The following HDGF variants were observed in gnomAD, a reference collection of about 807,000 sequenced individuals.
HDGF encodes the protein hepatoma-derived growth factor.
In HDGF, 5 loss-of-function variants were observed where a neutral mutation model predicts 30.0. The ratio of observed to expected loss-of-function variants is 0.17; its 90% CI spans 0.09 to 0.35. The LOEUF (loss-of-function observed/expected upper bound fraction) is 0.35. HDGF is among the 10% of genes least tolerant of loss of function. The pLI is 1.00. For synonymous variants in HDGF, 133 were observed against 112.7 expected, an observed-to-expected ratio of 1.18 and a Z score of -1.14; for missense variants, 214 against 302.8, an observed-to-expected ratio of 0.71 and a Z score of 2.18.
chr1:156,751,231 C>A lies in HDGF; in HGVS notation c.87+112G>T. ...CGACAGAGAAAGAGCCGGAGACCTA[C>A]AAGCCCCCTGCCCCCACCTCTGCCC... On this transcript the variant is annotated intron_variant, in intron 1 of 5. Transcript: ENST00000357325. The surrounding 1 kb of genome is among the most constrained non-coding windows in gnomAD (Gnocchi z 4.7). 1 of 1,308,364 alleles carries A rather than the reference C, an allele frequency of 7.6e-7. No homozygotes were observed. Among genetic ancestry groups the A allele is most frequent in the South Asian group, 1.8e-5 (1 of 56,602 alleles). 81.0% of individuals were successfully genotyped at this position (1,308,364 alleles called of 1,614,324 possible).
intron 1 of HDGF, among the ~76,000 whole-genome samples, chr1:156,762,872 CAAAA>C (rs148807506): frequency 7.4e-6 from 1 of 135,178 alleles, no homozygotes; most frequent in Admixed American, 7.4e-5. Flanking sequence ...AACTCCGTCT[CAAAA>C]AAAAAAAACC....
rs553884284 is a variant in HDGF at position 156,760,298 on chromosome 1, TGGGGACAGAGGCCTG to T, written n.137-1094_137-1080del. ...TGCAAGGATGTTGCTGGTGAGACAC[TGGGGACAGAGGCCTG>T]GGGAGGAGAGGACTCAGGGAGGCGT... is the stretch of plus-strand genomic sequence containing the variant. On this transcript the variant is annotated intron_variant and non_coding_transcript_variant, in intron 1 of 7. Coordinates refer to the HDGF transcript ENST00000465180. Among the ~76,000 whole-genome samples, 1,186 of 152,216 alleles carry T rather than the reference TGGGGACAGAGGCCTG, an allele frequency of 7.8e-3. 16 individuals carry two copies. The highest frequency in any genetic ancestry group is 0.027 in the African/African-American group (1,112 of 41,510).
At chr1:156,759,543 G>A (rs1039940152) in intron 1 of HDGF, among the ~76,000 whole-genome samples, 2 of 148,626 alleles carry the variant, frequency 1.3e-5, no homozygotes, top group African/African-American at 2.5e-5. Flanking sequence ...GTGCAGTGGC[G>A]CGTTTTCCGC....
chr1:156,746,915 G>A (rs185140245), intron 1 of HDGF, among the ~76,000 whole-genome samples: 67 of 152,208 alleles, frequency 4.4e-4, no homozygotes, highest in Non-Finnish European at 8.7e-4. Flanking sequence ...AGACAGGGTG[G>A]ATGGGAATGC....
chr1:156,752,597 G>A (rs1651049023), upstream of HDGF: 1 of 553,238 alleles, frequency 1.8e-6, no homozygotes, highest in Middle Eastern at 4.8e-4. Context: ...TAAAGAATGA[G>A]TAGAATTTTG....
chr1:156,752,404 T>C (rs772324210), upstream of HDGF: 8 of 1,534,562 alleles, frequency 5.2e-6, no homozygotes, highest in East Asian at 2.4e-5. Flanking sequence ...CCAAGGAGAC[T>C]TGGACTCAAC....
At chr1:156,753,543 G>T (rs1651086956), upstream of HDGF, among the ~76,000 whole-genome samples, 1 of 152,098 alleles carries the variant, frequency 6.6e-6, no homozygotes, top group Non-Finnish European at 1.5e-5. Context: ...AACTATCTAG[G>T]TCATATTTTA....
intron 1 of HDGF, among the ~76,000 whole-genome samples, chr1:156,762,234 G>A (rs1195794143): frequency 1.3e-5 from 2 of 148,742 alleles, no homozygotes; most frequent in Non-Finnish European, 3.0e-5. Flanking sequence ...ATGAACAACA[G>A]TTTCATATAA....
upstream of HDGF, among the ~76,000 whole-genome samples, chr1:156,753,196 C>G (rs1410481723): frequency 6.6e-6 from 1 of 152,192 alleles, no homozygotes; most frequent in Non-Finnish European, 1.5e-5. Context: ...GCCTTTATAA[C>G]AGTGTGGCCT....
chr1:156,766,198 G>C (rs1486090639), intron 1 of HDGF, among the ~76,000 whole-genome samples: 1 of 152,160 alleles, frequency 6.6e-6, no homozygotes, highest in East Asian at 1.9e-4. Flanking sequence ...CCCATATCAG[G>C]CTCGTCTGAT....
In HDGF at chr1:156,742,739, AC is replaced by A. The variant is rs1398242978; in HGVS notation, c.*709del. On this transcript the variant is annotated 3_prime_UTR_variant, in exon 6 of 6. Transcript: ENST00000357325. ...ACTCCCACCCAAATGGGTAAAGTCA[AC>A]CCTTCAGGTCTCAGGTCCTTGGCCC... is the stretch of plus-strand genomic sequence containing the variant. 6.5e-6 allele frequency: 1 copy of A among 154,648 alleles called. No individual in the cohort carries two copies. Among genetic ancestry groups the A allele is most frequent in the African/African-American group, 2.4e-5 (1 of 41,462 alleles). 9.6% of individuals were successfully genotyped at this position (154,648 alleles called of 1,614,324 possible).
chr1:156,758,285 G>C (rs1434820758), intron 2 of HDGF, among the ~76,000 whole-genome samples: 1 of 145,278 alleles, frequency 6.9e-6, no homozygotes, highest in African/African-American at 2.6e-5. Context: ...GCGACAAAGT[G>C]AGACTCCATC....
intron 1 of HDGF, among the ~76,000 whole-genome samples, chr1:156,746,736 A>G (rs1002770502): frequency 1.3e-5 from 2 of 152,140 alleles, no homozygotes; most frequent in African/African-American, 2.4e-5. Flanking sequence ...GGTGGGGACT[A>G]CAACTCCCAG....
chr1:156,750,012 G>T (rs1650854929), intron 1 of HDGF, among the ~76,000 whole-genome samples: 1 of 152,320 alleles, frequency 6.6e-6, no homozygotes, highest in Non-Finnish European at 1.5e-5. Context: ...GCGGAAGCCG[G>T]TCCTCATTTG....
Position 156,751,483 on chromosome 1 carries a change from A to G in HDGF, c.-54T>C, listed in dbSNP as rs1650975730. 3.7e-6 allele frequency: 5 copies of G among 1,351,288 alleles called. No individual in the cohort carries two copies. The highest frequency in any genetic ancestry group is 4.8e-6 in the Non-Finnish European group (5 of 1,041,754). 83.7% of individuals were successfully genotyped at this position (1,351,288 alleles called of 1,614,324 possible). On this transcript the variant is annotated 5_prime_UTR_variant, in exon 1 of 6. Coordinates refer to ENST00000357325, the MANE Select transcript of HDGF (RefSeq NM_004494.3). The surrounding 1 kb of genome is among the most constrained non-coding windows in gnomAD (Gnocchi z 4.7). ...CGCCGGGCCGGGAAGCGCGAGCCCAAGTTTGCGCGTGCGGCGGTGGCGGCG... is the reference window on the plus strand; with the variant it reads ...CGCCGGGCCGGGAAGCGCGAGCCCAGGTTTGCGCGTGCGGCGGTGGCGGCG...
chr1:156,766,678 A>G (rs535460318), intron 1 of HDGF: 1 of 152,536 alleles, frequency 6.6e-6, no homozygotes, highest in East Asian at 1.9e-4. Context: ...AATGTAAAGG[A>G]CATCTGCAAA....
upstream of HDGF, chr1:156,751,887 G>T: frequency 1.1e-6 from 1 of 951,524 alleles, no homozygotes; most frequent in Non-Finnish European, 1.5e-6. This position sits in a 1 kb window ranked among gnomAD's most constrained non-coding sequence, Gnocchi z 4.7. Flanking sequence ...CTGACGGCGC[G>T]TGGCGGCACA....
At chr1:156,749,531 C>T (rs935559666) in intron 1 of HDGF, among the ~76,000 whole-genome samples, 1 of 152,178 alleles carries the variant, frequency 6.6e-6, no homozygotes, top group Non-Finnish European at 1.5e-5. Flanking sequence ...TCTCCCTACC[C>T]CAGTTCTAAC....
At chr1:156,744,734 C>CA (rs2102703644) in intron 3 of HDGF, among the ~76,000 whole-genome samples, 1 of 151,312 alleles carries the variant, frequency 6.6e-6, no homozygotes, top group East Asian at 2.0e-4. Flanking sequence ...CCTATACTCA[C>CA]ACTAGGCCCA....
Sources: gnomAD v4.1 joint callset for allele counts (sites outside exome capture counted in the v4.1 genomes callset) on GRCh38, gnomAD v4.1.1 for gene constraint, Gnocchi (gnomAD v3.1) non-coding constraint, MANE v1.5 for transcripts, NCBI Gene and HGNC (gene_info 2026-07-23, HGNC 2026-07-21) for gene names.